Variants in IMMP2L observed in about 807,000 individuals in gnomAD.
The protein encoded by IMMP2L is mitochondrial inner membrane protease subunit 2.
In IMMP2L, 18 loss-of-function variants were observed where a neutral mutation model predicts 19.3. That is an observed-to-expected ratio of 0.93 (90% CI 0.64 to 1.38). The LOEUF (loss-of-function observed/expected upper bound fraction) is 1.38. Ranked by LOEUF, IMMP2L falls within the 40% of genes most tolerant of loss-of-function variation. The pLI is 0.00. For missense variants in IMMP2L, 233 were observed against 218.2 expected (o/e 1.07, Z -0.43); for synonymous variants, 76 against 73.0 (o/e 1.04, Z -0.21).
chr7:110,907,311 A>G (rs1372573409), intron 4 of IMMP2L, among the ~76,000 whole-genome samples: 3 of 152,148 alleles, frequency 2.0e-5, no homozygotes, highest in Non-Finnish European at 4.4e-5. Context: ...TGAAAGGAGG[A>G]TACAACAGGA....
At chr7:110,871,309 A>G (rs1446916828) in intron 5 of IMMP2L, among the ~76,000 whole-genome samples, 1 of 152,112 alleles carries the variant, frequency 6.6e-6, no homozygotes, top group African/African-American at 2.4e-5. Flanking sequence ...TGAAGACAGC[A>G]CTTAAAAACA....
intron 3 of IMMP2L, among the ~76,000 whole-genome samples, chr7:111,196,812 C>T (rs1809553586): frequency 1.3e-5 from 2 of 152,084 alleles, no homozygotes; most frequent in African/African-American, 4.8e-5. Context: ...TACGTAAACG[C>T]TCTCATACTA....
intron 5 of IMMP2L, among the ~76,000 whole-genome samples, chr7:110,774,942 A>G (rs1799278032): frequency 6.6e-6 from 1 of 152,080 alleles, no homozygotes; most frequent in African/African-American, 2.4e-5. Flanking sequence ...GTAAAAAAAT[A>G]ATGAACTGGT....
At chr7:111,551,859 G>A (rs952598485) in intron 1 of IMMP2L, among the ~76,000 whole-genome samples, 1 of 152,056 alleles carries the variant, frequency 6.6e-6, no homozygotes, top group East Asian at 1.9e-4. Flanking sequence ...AGGAAATATA[G>A]CCCCTACTAC....
intron 3 of IMMP2L, among the ~76,000 whole-genome samples, chr7:111,474,514 T>C (rs1434294884): frequency 1.3e-5 from 2 of 152,010 alleles, no homozygotes; most frequent in Non-Finnish European, 1.5e-5. Flanking sequence ...TTCCGCTTTT[T>C]TTTTTCAGTA....
chr7:111,194,044 CT>C (rs1562910027), intron 3 of IMMP2L, among the ~76,000 whole-genome samples: 1 of 152,146 alleles, frequency 6.6e-6, no homozygotes, highest in Non-Finnish European at 1.5e-5. Context: ...ACAGCTGTCT[CT>C]TCGGGATTTG....
At chr7:110,873,129 T>A (rs1483614803) in intron 5 of IMMP2L, among the ~76,000 whole-genome samples, 1 of 152,090 alleles carries the variant, frequency 6.6e-6, no homozygotes. Context: ...AGGAGAGATG[T>A]TCCTGCTACA....
At chr7:110,686,838 A>G (rs1793150220) in intron 5 of IMMP2L, among the ~76,000 whole-genome samples, 1 of 151,758 alleles carries the variant, frequency 6.6e-6, no homozygotes, top group Non-Finnish European at 1.5e-5. Context: ...TGCTATACAC[A>G]CTGGTACCAG....
chr7:111,487,657 G>T (rs1024379725), intron 2 of IMMP2L, among the ~76,000 whole-genome samples: 1 of 152,112 alleles, frequency 6.6e-6, no homozygotes, highest in African/African-American at 2.4e-5. Flanking sequence ...AGGAAGAAGT[G>T]AGTCAAACCT....
intron 3 of IMMP2L, among the ~76,000 whole-genome samples, chr7:111,478,741 AT>A (rs1841933957): frequency 6.6e-6 from 1 of 152,090 alleles, no homozygotes; most frequent in Admixed American, 6.6e-5. Context: ...CAGTTATTTA[AT>A]AGTCCATGTC....
chr7:111,412,413 T>TA (rs1358749497), intron 3 of IMMP2L, among the ~76,000 whole-genome samples: 1 of 151,684 alleles, frequency 6.6e-6, no homozygotes, highest in Non-Finnish European at 1.5e-5. Context: ...TTCCAGGCCT[T>TA]AAAAAAATGG....
intron 3 of IMMP2L, among the ~76,000 whole-genome samples, chr7:111,335,222 A>T (rs1260388803): frequency 1.3e-5 from 2 of 152,148 alleles, no homozygotes; most frequent in Non-Finnish European, 2.9e-5. Flanking sequence ...TTTGGAACAG[A>T]TCTTACATAT....
intron 3 of IMMP2L, among the ~76,000 whole-genome samples, chr7:111,275,082 T>C (rs1818873742): frequency 6.6e-6 from 1 of 152,158 alleles, no homozygotes; most frequent in Non-Finnish European, 1.5e-5. Flanking sequence ...ACTATTTGAA[T>C]TCTTTCATGT....
chr7:110,894,256 C>G (rs561753629), intron 4 of IMMP2L, among the ~76,000 whole-genome samples: 1 of 152,270 alleles, frequency 6.6e-6, no homozygotes, highest in East Asian at 1.9e-4. Flanking sequence ...AGTAAAGTTA[C>G]TTTCTATCAG....
intron 3 of IMMP2L, among the ~76,000 whole-genome samples, chr7:111,462,554 T>C (rs1191698955): frequency 6.6e-6 from 1 of 152,186 alleles, no homozygotes; most frequent in Non-Finnish European, 1.5e-5. Flanking sequence ...GTTGTATTTA[T>C]GAGGTACGGG....
At chr7:111,166,804 C>A (rs1042997184) in intron 3 of IMMP2L, among the ~76,000 whole-genome samples, 4 of 151,936 alleles carry the variant, frequency 2.6e-5, no homozygotes, top group African/African-American at 4.8e-5. Context: ...TCAACCTTTG[C>A]CTTTATTTTG....
intron 3 of IMMP2L, among the ~76,000 whole-genome samples, chr7:111,318,249 A>G (rs920752750): frequency 2.6e-5 from 4 of 152,168 alleles, no homozygotes; most frequent in East Asian, 1.9e-4. Context: ...CTCTCCTCAA[A>G]GCAGATGGCG....
At chr7:110,736,749 T>A (rs1487163044) in intron 5 of IMMP2L, among the ~76,000 whole-genome samples, 1 of 152,222 alleles carries the variant, frequency 6.6e-6, no homozygotes, top group Non-Finnish European at 1.5e-5. Flanking sequence ...TACCGTTGCA[T>A]TTTGGAAGCA....
chr7:111,526,215 ATACAG>A (rs765072116), intron 1 of IMMP2L, among the ~76,000 whole-genome samples: 11 of 152,240 alleles, frequency 7.2e-5, no homozygotes, highest in Admixed American at 2.0e-4. Context: ...ATGGCTAAGC[ATACAG>A]TATAGTACCA....
Sources: allele counts gnomAD v4.1 joint callset (sites outside exome capture counted in the v4.1 genomes callset), GRCh38; gene constraint gnomAD v4.1.1; transcripts MANE v1.5; gene names NCBI Gene and HGNC (gene_info 2026-07-23, HGNC 2026-07-21).